SIN3B: variants seen among roughly 807,000 people sequenced by gnomAD.
SIN3B encodes the protein SIN3 transcription regulator family member B, also known as paired amphipathic helix protein Sin3b.
Under a neutral mutation model 120.2 loss-of-function variants are expected in SIN3B, and 19 were observed. That is an observed-to-expected ratio of 0.16 (90% CI 0.11 to 0.23). The LOEUF is 0.23. Among genes scored for constraint, SIN3B ranks in the 10% least tolerant of loss-of-function variants. The pLI is 1.00. For missense variants in SIN3B, 1,073 were observed against 1,573.0 expected, an observed-to-expected ratio of 0.68 and a Z score of 5.38; for synonymous variants, 654 against 653.2, an observed-to-expected ratio of 1.00 and a Z score of -0.02.
intron 9 of SIN3B, 85 bp from the exon 10 acceptor site, chr19:16,863,595 A>G (rs1971719094): frequency 1.2e-6 from 1 of 848,318 alleles, no homozygotes; most frequent in African/African-American, 1.7e-5. Context: ...GGTATTATGT[A>G]TCTTGGTACT....
Position 16,865,489 on chromosome 19 carries a change from C to T in SIN3B, c.1463C>T (p.Pro488Leu), listed in dbSNP as rs755608060. The change falls in exon 11 of 19, where the codon CCG (proline) becomes CTG (leucine). Residue 488 changes from proline to leucine, a missense_variant. Around this residue, in one of 7 missense-constraint regions of SIN3B, gnomAD observed 118 missense variants for 281.6 expected, o/e 0.42. Coordinates refer to ENST00000248054, the MANE Select transcript of SIN3B (RefSeq NM_001297595.2). ...CAGAAGAAGCTGTCTCGGATGGCGCCGGAAGACCAGGAGAAGTTCCGGCTG... is the reference window on the plus strand; with the variant it reads ...CAGAAGAAGCTGTCTCGGATGGCGCTGGAAGACCAGGAGAAGTTCCGGCTG... The part of the protein sequence containing the change: ...SVQKKLSRMA[P>L]EDQEKFRLDD... 10 of 1,613,340 alleles carry T rather than the reference C, an allele frequency of 6.2e-6. No individual in the cohort carries two copies. Among genetic ancestry groups the T allele is most frequent in the African/African-American group, 2.7e-5 (2 of 74,834 alleles).
chr19:16,836,588 A>G (rs1023113598), intron 3 of SIN3B, among the ~76,000 whole-genome samples: 4 of 152,144 alleles, frequency 2.6e-5, no homozygotes, highest in South Asian at 2.1e-4. Flanking sequence ...AGTCCTTAAG[A>G]TGAGGTGGGC....
chr19:16,847,281 C>T (rs1303132910), intron 5 of SIN3B, among the ~76,000 whole-genome samples, 168 bp downstream of exon 5: 1 of 152,228 alleles, frequency 6.6e-6, no homozygotes, highest in Non-Finnish European at 1.5e-5. Flanking sequence ...CTGTAGGCTC[C>T]ACCTGCACAG....
intron 7 of SIN3B, among the ~76,000 whole-genome samples, chr19:16,853,837 G>T (rs957167260): frequency 6.6e-6 from 1 of 151,678 alleles, no homozygotes; most frequent in Non-Finnish European, 1.5e-5. Flanking sequence ...CAGGGACTGT[G>T]TGAATTGCTG....
chr19:16,867,576 G>A (rs761932142), intron 12 of SIN3B, among the ~76,000 whole-genome samples: 23 of 152,230 alleles, frequency 1.5e-4, no homozygotes, highest in African/African-American at 2.4e-4. Flanking sequence ...TCCCCAGGCA[G>A]TGCCCAGATC....
intron 14 of SIN3B, among the ~76,000 whole-genome samples, chr19:16,873,552 T>C (rs1264398019): frequency 3.1e-5 from 4 of 129,746 alleles, no homozygotes; most frequent in Non-Finnish European, 4.9e-5. Context: ...GCACCCCTCA[T>C]GGGCCATGGC....
Position 16,869,910 on chromosome 19 carries a change from C to G in SIN3B, c.2257C>G (p.Leu753Val). The G allele has an allele frequency of 6.2e-7, 1 of 1,614,252 alleles. No individual in the cohort carries two copies. The highest frequency in any genetic ancestry group is 8.5e-7 in the Non-Finnish European group (1 of 1,180,050). ...TGCCAACAACAACTGGTACTTCTTC[C>G]TGCGCCTGCACCAGACCCTGTGCTC... ...FFANNNWYFFLRLHQTLCSRL... is the reference protein window; with the variant it reads ...FFANNNWYFFVRLHQTLCSRL... The change falls in exon 13 of 19, where the codon CTG becomes GTG. Residue 753 changes from leucine (L) to valine (V), a missense_variant. Around this residue, in one of 7 missense-constraint regions of SIN3B, gnomAD observed 4 missense variants for 21.1 expected, o/e 0.19. Transcript: ENST00000248054.
At chr19:16,847,760 T>C (rs1222294071) in intron 5 of SIN3B, among the ~76,000 whole-genome samples, 2 of 152,000 alleles carry the variant, frequency 1.3e-5, no homozygotes, top group Admixed American at 6.6e-5. Context: ...TGAAGTGAAA[T>C]TTATGTAACA....
chr19:16,833,324 A>G (rs988378718), intron 3 of SIN3B, among the ~76,000 whole-genome samples: 1 of 152,142 alleles, frequency 6.6e-6, no homozygotes, highest in Non-Finnish European at 1.5e-5. Flanking sequence ...TTCCATGTGC[A>G]AGGTGTGTGT....
At chr19:16,850,796 G>A (rs1395703487) in intron 5 of SIN3B, among the ~76,000 whole-genome samples, 1 of 152,126 alleles carries the variant, frequency 6.6e-6, no homozygotes, top group Non-Finnish European at 1.5e-5. Context: ...AATGTCATTG[G>A]CACCCTGTAG....
intron 14 of SIN3B, among the ~76,000 whole-genome samples, chr19:16,874,296 AGGTCTGGTCTGGTCTAGTTTT>A (rs879263417): frequency 1.2e-3 from 184 of 151,830 alleles, no homozygotes; most frequent in African/African-American, 4.3e-3. Flanking sequence ...TGTTTTGTTC[AGGTCTGGTCTGGTCTAGTTTT>A]GGTCTGGTCT....
chr19:16,877,645 A>G lies in SIN3B; in HGVS notation c.2954+6A>G, dbSNP rs2303090. 1,141,432 of 1,592,900 alleles carry G rather than the reference A, an allele frequency of 0.72. 412,358 individuals carry two copies. Among genetic ancestry groups the G allele is most frequent in the Middle Eastern group, 0.74 (4,361 of 5,864 alleles). On this transcript the variant is annotated splice_donor_region_variant and intron_variant, in intron 17 of 18. Coordinates refer to ENST00000248054, the MANE Select transcript of SIN3B (RefSeq NM_001297595.2). ...AAACCTGTGTTCCTGCAGAGGTAAGAGGCCCTGAGATGCATGCTCTGTTCC... is the reference window on the plus strand; with the variant it reads ...AAACCTGTGTTCCTGCAGAGGTAAGGGGCCCTGAGATGCATGCTCTGTTCC...
At chr19:16,870,413 CTTGCGCTG>C (rs900985884) in intron 13 of SIN3B, among the ~76,000 whole-genome samples, 1 of 148,142 alleles carries the variant, frequency 6.8e-6, no homozygotes, top group Non-Finnish European at 1.5e-5. Flanking sequence ...GAGATGGAGT[CTTGCGCTG>C]TTGCGCAGGC....
rs866903424 is a variant in SIN3B at position 16,857,557 on chromosome 19, A to G, written c.1058+3296A>G. 4.3e-3 allele frequency among the ~76,000 whole-genome samples: 245 copies of G among 57,424 alleles called. 1 individual carries two copies. The highest frequency in any genetic ancestry group is 0.016 in the African/African-American group (231 of 14,824). The allele number at this position is 57,424 out of a possible 152,430, so 37.7% of individuals were successfully genotyped here. On this transcript the variant is annotated intron_variant, in intron 8 of 18. Transcript: ENST00000248054. The stretch of plus-strand genomic sequence containing the variant: ...TGTGTGTGTGTGTGTGTGTGTGTAT[A>G]TATACACATAAACATTTTTCTAATG...
intron 13 of SIN3B, 142 bp from the exon 14 acceptor site, chr19:16,871,087 T>G: frequency 9.7e-7 from 1 of 1,027,424 alleles, no homozygotes; most frequent in Non-Finnish European, 1.5e-6. Context: ...TCCTGGTGAT[T>G]CCCACATTTG....
At chr19:16,857,397 T>G (rs1971629059) in intron 8 of SIN3B, among the ~76,000 whole-genome samples, 1 of 152,080 alleles carries the variant, frequency 6.6e-6, no homozygotes, top group Non-Finnish European at 1.5e-5. Flanking sequence ...TGTGTTTATG[T>G]AAAATTAAAT....
Position 16,862,405 on chromosome 19 carries a change from T to C in SIN3B, c.1112T>C (p.Leu371Pro), listed in dbSNP as rs142026795. 6.2e-7 allele frequency: 1 copy of C among 1,614,210 alleles called. No individual in the cohort carries two copies. The highest frequency in any genetic ancestry group is 8.5e-7 in the Non-Finnish European group (1 of 1,180,034). ...AAGTCCTTCCTGGGGGTAAAAGAGC[T>C]GTCCTTCGCGCCACCCATGAGCGAC... Reference protein sequence around the residue: ...QFKSFLGVKELSFAPPMSDRS... With the variant: ...QFKSFLGVKEPSFAPPMSDRS... The change falls in exon 9 of 19, where the codon CTG (leucine) becomes CCG (proline). Residue 371 changes from leucine to proline, a missense_variant. Physicochemically the swap from Leu to Pro is moderately conservative, Grantham distance 98 (BLOSUM62 -3). Coordinates refer to ENST00000248054, the MANE Select transcript of SIN3B (RefSeq NM_001297595.2). This position sits in a 1 kb window ranked among gnomAD's most constrained non-coding sequence, Gnocchi z 4.7.
intron 14 of SIN3B, chr19:16,875,832 T>TTGGTC (rs908881784): frequency 2.9e-5 from 17 of 576,948 alleles, no homozygotes; most frequent in Admixed American, 6.3e-5. Context: ...TCTGTTTGGT[T>TTGGTC]TGGTCTGGTC....
At chr19:16,855,961 C>T (rs917617504) in intron 8 of SIN3B, among the ~76,000 whole-genome samples, 10 of 151,600 alleles carry the variant, frequency 6.6e-5, no homozygotes, top group African/African-American at 2.4e-4. Flanking sequence ...GGAGGCTGAG[C>T]TAGAAGGATA....
Sources: allele counts gnomAD v4.1 joint callset (sites outside exome capture counted in the v4.1 genomes callset), GRCh38; gene constraint gnomAD v4.1.1; regional missense constraint gnomAD v4.1.1; non-coding constraint Gnocchi (gnomAD v3.1); transcripts MANE v1.5; gene names NCBI Gene and HGNC (gene_info 2026-07-23, HGNC 2026-07-21).